The following EDAR variants were observed in gnomAD, a reference collection of about 807,000 sequenced individuals.
The protein encoded by EDAR is ectodysplasin A receptor.
Under a neutral mutation model 51.3 loss-of-function variants are expected in EDAR, and 38 were observed. The ratio of observed to expected loss-of-function variants is 0.74; its 90% CI spans 0.57 to 0.97. EDAR has a LOEUF of 0.97. Among genes scored for constraint, EDAR ranks in the 50% least tolerant of loss-of-function variants. The pLI is 0.00. For missense variants in EDAR, 528 were observed against 595.0 expected, an observed-to-expected ratio of 0.89 and a Z score of 1.17; for synonymous variants, 227 against 242.1, an observed-to-expected ratio of 0.94 and a Z score of 0.58.
intron 1 of EDAR, among the ~76,000 whole-genome samples, chr2:108,981,029 C>T (rs17034733): frequency 0.025 from 3,866 of 152,280 alleles, 96 homozygotes; most frequent in African/African-American, 0.063. Context: ...AAACTCAGCC[C>T]GTGAGTGCAT....
chr2:108,966,353 C>A (rs1698150460), intron 1 of EDAR, among the ~76,000 whole-genome samples: 1 of 152,246 alleles, frequency 6.6e-6, no homozygotes, highest in African/African-American at 2.4e-5. Flanking sequence ...TATGCTGAGA[C>A]TGGCATTAAG....
chr2:108,978,223 C>G (rs571529664), intron 1 of EDAR, among the ~76,000 whole-genome samples: 37 of 152,278 alleles, frequency 2.4e-4, no homozygotes, highest in African/African-American at 7.2e-4. Flanking sequence ...AGGAACTCAT[C>G]ATTGGTCTAT....
At chr2:108,973,556 T>C (rs1698271476) in intron 1 of EDAR, among the ~76,000 whole-genome samples, 1 of 152,188 alleles carries the variant, frequency 6.6e-6, no homozygotes, top group South Asian at 2.1e-4. Context: ...ATTTCCAGCC[T>C]GTGAGTGTGG....
At chr2:108,985,530 T>A (rs1698483368) in intron 1 of EDAR, among the ~76,000 whole-genome samples, 1 of 152,204 alleles carries the variant, frequency 6.6e-6, no homozygotes, top group South Asian at 2.1e-4. Context: ...AACAAAGGCA[T>A]CCTGGCTGGT....
chr2:108,942,106 A>AGGTGT (rs1697611768), intron 1 of EDAR, among the ~76,000 whole-genome samples: 1 of 152,238 alleles, frequency 6.6e-6, no homozygotes, highest in Non-Finnish European at 1.5e-5. Context: ...TGCTGGGGGC[A>AGGTGT]GAGGCCCCAT....
chr2:108,921,048 G>A (rs2105426134), intron 5 of EDAR, among the ~76,000 whole-genome samples: 1 of 152,278 alleles, frequency 6.6e-6, no homozygotes, highest in South Asian at 2.1e-4. Context: ...ATCGGGGGTG[G>A]GCCAAGCAAT....
intron 5 of EDAR, among the ~76,000 whole-genome samples, chr2:108,921,566 G>A (rs1000962043): frequency 6.6e-6 from 1 of 152,226 alleles, no homozygotes. Flanking sequence ...AATGTTTGCT[G>A]CCCAGAGTGG....
At chr2:108,943,074 T>C (rs989043865) in intron 1 of EDAR, among the ~76,000 whole-genome samples, 21 of 152,168 alleles carry the variant, frequency 1.4e-4, no homozygotes, top group Non-Finnish European at 2.6e-4. Context: ...GGGCTTTTTT[T>C]CCCTCCCTTA....
At chr2:108,949,185 T>C (rs1159051406) in intron 1 of EDAR, among the ~76,000 whole-genome samples, 3 of 152,154 alleles carry the variant, frequency 2.0e-5, no homozygotes, top group Non-Finnish European at 4.4e-5. Flanking sequence ...TTTCCCCATG[T>C]TGCCGACACT....
intron 1 of EDAR, among the ~76,000 whole-genome samples, chr2:108,936,956 C>T (rs1697481821): frequency 6.6e-6 from 1 of 152,188 alleles, no homozygotes; most frequent in Non-Finnish European, 1.5e-5. Flanking sequence ...CACTGGGTCC[C>T]ACAAATTAAA....
At chr2:108,975,183 G>T (rs1698301053) in intron 1 of EDAR, among the ~76,000 whole-genome samples, 2 of 152,220 alleles carry the variant, frequency 1.3e-5, no homozygotes, top group African/African-American at 4.8e-5. Context: ...TCCAGGAGCT[G>T]CAGTCCAGCC....
rs1401469175 is a variant in EDAR, at chr2:108,911,087, A to G, written c.530-15T>C. On this transcript the variant is annotated splice_polypyrimidine_tract_variant and intron_variant, in intron 6 of 11. Transcript: ENST00000258443. ...GCCTGAGAGTTCTGTGGGTGGAGAG[A>G]AGGCATGAATGACCCAGAGCTCAGG... The G allele has an allele frequency of 6.2e-7, 1 of 1,613,848 alleles. No homozygotes were observed. The highest frequency in any genetic ancestry group is 8.5e-7 in the Non-Finnish European group (1 of 1,180,000).
intron 1 of EDAR, among the ~76,000 whole-genome samples, chr2:108,948,725 G>C (rs1697764651): frequency 6.6e-6 from 1 of 152,162 alleles, no homozygotes; most frequent in African/African-American, 2.4e-5. Flanking sequence ...CTGCTCCCAT[G>C]ATCCAACCAC....
At chr2:108,968,707 C>A (rs1698188885) in intron 1 of EDAR, among the ~76,000 whole-genome samples, 1 of 152,166 alleles carries the variant, frequency 6.6e-6, no homozygotes, top group Non-Finnish European at 1.5e-5. Flanking sequence ...CTCTGGGTAG[C>A]CCTGGGTTAA....
At chr2:108,972,837 T>A (rs1277009155) in intron 1 of EDAR, among the ~76,000 whole-genome samples, 1 of 152,224 alleles carries the variant, frequency 6.6e-6, no homozygotes, top group Non-Finnish European at 1.5e-5. Flanking sequence ...TCCCCAACCT[T>A]GGCTAGCTGG....
chr2:108,966,004 C>T (rs189019597), intron 1 of EDAR, among the ~76,000 whole-genome samples: 4 of 152,306 alleles, frequency 2.6e-5, no homozygotes, highest in Admixed American at 1.3e-4. Flanking sequence ...TTGAGTGACA[C>T]CTTCCCTTTT....
At chr2:108,936,629 C>T (rs771091028) in intron 1 of EDAR, among the ~76,000 whole-genome samples, 2 of 152,188 alleles carry the variant, frequency 1.3e-5, no homozygotes, top group Non-Finnish European at 2.9e-5. Context: ...CCCCACTTCC[C>T]ATCAACCCAG....
chr2:108,912,713 C>G lies in EDAR; in HGVS notation c.494G>C (p.Ser165Thr). ...GTGCTGGAAGGGAGACAGGGTGCTG[C>G]TGCCCGAGGTGCCAGGGAAGTTGGC... ...ASANFPGTSG[S>T]STLSPFQHAH... Residue 165 changes from serine (S) to threonine (T), a missense_variant, in exon 6 of 12, where the codon AGC (serine) becomes ACC (threonine). Coordinates refer to ENST00000258443, the MANE Select transcript of EDAR (RefSeq NM_022336.4). 1 of 1,602,294 alleles carries G rather than the reference C, an allele frequency of 6.2e-7. No individual in the cohort carries two copies. Among genetic ancestry groups the G allele is most frequent in the South Asian group, 1.1e-5 (1 of 87,986 alleles).
rs780025202 is a variant in EDAR, at chr2:108,900,059, A to G, written c.1025-2830T>C. Among the ~76,000 whole-genome samples the G allele has an allele frequency of 3.9e-5, 6 of 152,334 alleles. No homozygotes were observed. The East Asian group carries it at 9.6e-4, about 24-fold the overall frequency. On this transcript the variant is annotated intron_variant, in intron 11 of 11. Coordinates refer to ENST00000258443, the MANE Select transcript of EDAR (RefSeq NM_022336.4). ...CAATGCAATGTCTAGAGAAACTACT[A>G]AAATAACTATGGAAAGAGATAAAAT...
Sources: gnomAD v4.1 joint callset for allele counts (sites outside exome capture counted in the v4.1 genomes callset) on GRCh38, gnomAD v4.1.1 for gene constraint, MANE v1.5 for transcripts, NCBI Gene and HGNC (gene_info 2026-07-23, HGNC 2026-07-21) for gene names.